The following ROR1 variants were observed in gnomAD, a reference collection of about 807,000 sequenced individuals.
ROR1 encodes the protein inactive tyrosine-protein kinase transmembrane receptor ROR1.
In ROR1, 19 loss-of-function variants were observed where a neutral mutation model predicts 78.8. The ratio of observed to expected loss-of-function variants is 0.24; its 90% CI spans 0.17 to 0.35. The LOEUF is 0.35. Among genes scored for constraint, ROR1 ranks in the 10% least tolerant of loss-of-function variants. The pLI is 1.00. For synonymous variants in ROR1, 386 were observed against 433.6 expected, an observed-to-expected ratio of 0.89 and a Z score of 1.36; for missense variants, 917 against 1,177.8, an observed-to-expected ratio of 0.78 and a Z score of 3.24.
At chr1:63,863,044 G>A (rs965962461) in intron 1 of ROR1, among the ~76,000 whole-genome samples, 1 of 152,168 alleles carries the variant, frequency 6.6e-6, no homozygotes, top group Non-Finnish European at 1.5e-5. Context: ...CTTGTCCAAT[G>A]TCACAAAGCA....
At chr1:63,957,501 C>T (rs10889457) in intron 1 of ROR1, among the ~76,000 whole-genome samples, 6 of 152,154 alleles carry the variant, frequency 3.9e-5, no homozygotes, top group African/African-American at 1.4e-4. Context: ...GAGGACCCCC[C>T]CTTGCATCCT....
chr1:64,140,321 A>G lies in ROR1; in HGVS notation c.823A>G (p.Met275Val). The change falls in exon 6 of 9, where the codon ATG becomes GTG. Residue 275 changes from methionine (M) to valine (V), a missense_variant. By Grantham distance (21) the Met-to-Val change is conservative. This residue lies in a region of ROR1 where 835 missense variants were observed against 1,069.8 expected (regional missense o/e 0.78). Coordinates refer to ENST00000371079, the MANE Select transcript of ROR1 (RefSeq NM_005012.4). Reference protein sequence around the residue: ...IFARSNPMILMRLKLPNCEDL... With the variant: ...IFARSNPMILVRLKLPNCEDL... ...TGCAAGATCAAATCCCATGATTCTG[A>G]TGAGGCTGAAACTGCCAAACTGTGA... The G allele has an allele frequency of 6.2e-7, 1 of 1,614,138 alleles. No individual in the cohort carries two copies. The highest frequency in any genetic ancestry group is 2.2e-5 in the East Asian group (1 of 44,878).
chr1:63,964,097 A>G (rs1438466376), intron 1 of ROR1, among the ~76,000 whole-genome samples: 2 of 152,114 alleles, frequency 1.3e-5, no homozygotes, highest in African/African-American at 2.4e-5. Flanking sequence ...TTTAACAGCT[A>G]CTCTGTAAGA....
At chr1:64,154,812 GTAT>G (rs1389672612) in intron 7 of ROR1, among the ~76,000 whole-genome samples, 1 of 152,150 alleles carries the variant, frequency 6.6e-6, no homozygotes, top group Non-Finnish European at 1.5e-5. Context: ...TTATTCCAAA[GTAT>G]TAAAAATCTT....
chr1:63,843,248 G>T, intron 1 of ROR1: 1 of 1,507,470 alleles, frequency 6.6e-7, no homozygotes, highest in Non-Finnish European at 9.2e-7. Context: ...TCTCTGCCAG[G>T]GTGCAGCGGT....
chr1:64,025,656 T>C (rs1353777489), intron 2 of ROR1, among the ~76,000 whole-genome samples: 11 of 152,090 alleles, frequency 7.2e-5, no homozygotes, highest in African/African-American at 2.7e-4. Flanking sequence ...CATATACACA[T>C]ATATATATGA....
At chr1:63,813,830 A>G (rs1169442480) in intron 1 of ROR1, among the ~76,000 whole-genome samples, 1 of 152,240 alleles carries the variant, frequency 6.6e-6, no homozygotes, top group Admixed American at 6.5e-5. Context: ...TGGAAGATAT[A>G]GTCACATAAG....
chr1:63,964,310 G>A (rs558682266), intron 1 of ROR1, among the ~76,000 whole-genome samples: 1 of 152,312 alleles, frequency 6.6e-6, no homozygotes, highest in South Asian at 2.1e-4. Context: ...CCTGCTTTGG[G>A]TTGGGTTTCA....
At chr1:63,924,729 A>G (rs1242993440) in intron 1 of ROR1, among the ~76,000 whole-genome samples, 1 of 152,180 alleles carries the variant, frequency 6.6e-6, no homozygotes, top group Non-Finnish European at 1.5e-5. Flanking sequence ...AGAATTTTCC[A>G]TTGAAACAAG....
At chr1:64,035,392 C>T (rs993259638) in intron 2 of ROR1, among the ~76,000 whole-genome samples, 6 of 152,162 alleles carry the variant, frequency 3.9e-5, no homozygotes, top group African/African-American at 1.2e-4. Context: ...ACTTTATATG[C>T]GATACCTTTC....
At chr1:63,820,063 G>A (rs1644914893) in intron 1 of ROR1, among the ~76,000 whole-genome samples, 1 of 152,184 alleles carries the variant, frequency 6.6e-6, no homozygotes, top group African/African-American at 2.4e-5. Flanking sequence ...TAAGGCAAAG[G>A]TGGTTAACTT....
intron 1 of ROR1, among the ~76,000 whole-genome samples, chr1:63,941,393 A>G (rs961830404): frequency 6.6e-6 from 1 of 152,144 alleles, no homozygotes; most frequent in Non-Finnish European, 1.5e-5. Context: ...TAGATAAAGG[A>G]TATATAGGAG....
intron 1 of ROR1, among the ~76,000 whole-genome samples, chr1:63,988,080 G>A (rs1226683840): frequency 1.3e-5 from 2 of 152,058 alleles, no homozygotes; most frequent in South Asian, 2.1e-4. Context: ...TATAACAATG[G>A]AAGTCAGGAG....
chr1:63,983,629 C>T (rs778254807), intron 1 of ROR1, among the ~76,000 whole-genome samples: 1 of 152,160 alleles, frequency 6.6e-6, no homozygotes, highest in Non-Finnish European at 1.5e-5. Flanking sequence ...CCAGAATGGT[C>T]TGGTTTCTAA....
chr1:64,019,498 C>T (rs1646547274), intron 2 of ROR1, among the ~76,000 whole-genome samples: 1 of 152,108 alleles, frequency 6.6e-6, no homozygotes, highest in Admixed American at 6.6e-5. Context: ...AAAATAAATA[C>T]AGAAAAGGGT....
At position 63,942,269 on chromosome 1, in the gene ROR1, A is replaced by C. The variant is rs1188228095; in HGVS notation, c.92-67036A>C. On this transcript the variant is annotated intron_variant, in intron 1 of 8. Transcript: ENST00000371079. ...CTTGGTTCCCATGTTTGATAAAAAC[A>C]ATCCTGGCAGAGAAGAGGTATTTAA... 2.0e-5 allele frequency among the ~76,000 whole-genome samples: 3 copies of C among 152,340 alleles called. No individual in the cohort carries two copies. In the East Asian group the frequency reaches 5.8e-4, roughly 29 times the overall value.
chr1:64,097,187 T>G (rs1265653177), intron 4 of ROR1, among the ~76,000 whole-genome samples: 1 of 150,268 alleles, frequency 6.7e-6, no homozygotes, highest in Admixed American at 6.7e-5. Context: ...GAATCCATTT[T>G]TTTTTTGTCA....
chr1:63,998,179 A>C (rs957969518), intron 1 of ROR1, among the ~76,000 whole-genome samples: 1 of 152,156 alleles, frequency 6.6e-6, no homozygotes, highest in African/African-American at 2.4e-5. Context: ...CCCTCTCAAG[A>C]AGTTTACTGT....
At chr1:63,785,272 G>C (rs1407233815) in intron 1 of ROR1, among the ~76,000 whole-genome samples, 1 of 152,098 alleles carries the variant, frequency 6.6e-6, no homozygotes, top group African/African-American at 2.4e-5. Context: ...AGTATTGGCT[G>C]TTTTTCTTTT....
Sources: gnomAD v4.1 joint callset for allele counts (sites outside exome capture counted in the v4.1 genomes callset) on GRCh38, gnomAD v4.1.1 for gene constraint, gnomAD v4.1.1 regional missense constraint, MANE v1.5 for transcripts, NCBI Gene and HGNC (gene_info 2026-07-23, HGNC 2026-07-21) for gene names.